Variants in BRMS1 observed in about 807,000 individuals in gnomAD.
BRMS1 encodes BRMS1 transcriptional repressor and anoikis regulator, also known as breast cancer metastasis-suppressor 1.
A neutral mutation model predicts 40.4 loss-of-function variants in BRMS1; 26 were observed. The observed-to-expected ratio is 0.64, with a 90% CI of 0.47 to 0.89. The LOEUF (loss-of-function observed/expected upper bound fraction) is 0.89. Among genes scored for constraint, BRMS1 ranks in the 40% least tolerant of loss-of-function variants. The pLI is 0.00. For synonymous variants in BRMS1, 103 were observed against 116.0 expected (o/e 0.89, Z 0.72); for missense variants, 289 against 309.4 (o/e 0.93, Z 0.49).
At chr11:66,338,096 C>G (rs1854971456) in intron 9 of BRMS1, 147 bp downstream of exon 9, 1 of 1,246,302 alleles carries the variant, frequency 8.0e-7, no homozygotes, top group Non-Finnish European at 1.1e-6. Flanking sequence ...CTCCCACAAG[C>G]CCCTCAAATC....
rs775411516 is a variant in BRMS1, at chr11:66,341,559, C to T, written c.204G>A (p.Glu68=). The T allele has an allele frequency of 3.1e-6, 5 of 1,614,160 alleles. No homozygotes were observed. The highest frequency in any genetic ancestry group is 4.2e-6 in the Non-Finnish European group (5 of 1,180,032). ...SECVSEMLDL[E]KQFSELKEKL... ...TCTCCTTTAGCTCCGAGAACTGCTT[C>T]TCTAGGTCCAGCATCTCACTGACAC... is the stretch of plus-strand genomic sequence containing the variant. Residue 68 remains glutamate, a synonymous_variant, in exon 3 of 10, where the codon GAG becomes GAA. Transcript: ENST00000359957. This position sits in a 1 kb window ranked among gnomAD's most constrained non-coding sequence, Gnocchi z 4.9.
rs373832544 is a variant in BRMS1 at position 66,338,228 on chromosome 11, A to C, written c.733+15T>G. 5.0e-6 allele frequency: 8 copies of C among 1,610,466 alleles called. No individual in the cohort carries two copies. The African/African-American group carries it at 9.3e-5, about 19-fold the overall frequency. On this transcript the variant is annotated intron_variant, in intron 9 of 9. Coordinates refer to ENST00000359957, the MANE Select transcript of BRMS1 (RefSeq NM_015399.4). ...AAGGGGGCAGGGAAGGCCATGCAAC[A>C]GCCATGGTTCTTACCATCCGATTTT...
Position 66,341,046 on chromosome 11 carries a change from C to T in BRMS1, c.359G>A (p.Gly120Glu), listed in dbSNP as rs764756155. 6.2e-6 allele frequency: 10 copies of T among 1,613,700 alleles called. No individual in the cohort carries two copies. The highest frequency in any genetic ancestry group is 8.5e-6 in the Non-Finnish European group (10 of 1,180,006). ...ATCCAGACAGAAGCCCTTGTAGATC[C>T]CTGCAGAGAAAGGGAGGAGGGTCCC... ...RSLKIRIQVA[G>E]IYKGFCLDVI... Residue 120 changes from glycine (G) to glutamate (E), a missense_variant and splice_region_variant, in exon 5 of 10, where the codon GGG (glycine) becomes GAG (glutamate). By Grantham distance (98) the Gly-to-Glu change is moderately conservative (BLOSUM62 -2). Transcript: ENST00000359957. The surrounding 1 kb of genome is among the most constrained non-coding windows in gnomAD (Gnocchi z 4.9).
At position 66,341,770 on chromosome 11, in the gene BRMS1, G is replaced by T; in HGVS notation, c.140-147C>A. The T allele has an allele frequency of 1.3e-6, 1 of 776,868 alleles. No homozygotes were observed. Among genetic ancestry groups the T allele is most frequent in the Non-Finnish European group, 2.2e-6 (1 of 449,236 alleles). The allele number at this position is 776,868 out of a possible 1,614,324, so 48.1% of individuals were successfully genotyped here. On this transcript the variant is annotated intron_variant, in intron 2 of 9. Transcript: ENST00000359957. The surrounding 1 kb of genome is among the most constrained non-coding windows in gnomAD (Gnocchi z 4.9). ...TGCGCGTACATGCTTGTGTGAAGGG[G>T]CTGTGTGTGTGCGTGTGTGCTTGTG...
At chr11:66,340,364 C>T in intron 6 of BRMS1, 151 bp from the exon 7 acceptor site, 1 of 633,170 alleles carries the variant, frequency 1.6e-6, no homozygotes, top group Non-Finnish European at 2.8e-6. Context: ...TAGGGCTGTT[C>T]AGGTCCTGCC....
In BRMS1 at chr11:66,337,589, G is replaced by A; in HGVS notation, c.*293C>T. The A allele has an allele frequency of 1.7e-6, 2 of 1,163,132 alleles. No individual in the cohort carries two copies. The highest frequency in any genetic ancestry group is 2.6e-5 in the Admixed American group (1 of 38,808). 72.1% of individuals were successfully genotyped at this position (1,163,132 alleles called of 1,614,324 possible). On this transcript the variant is annotated 3_prime_UTR_variant, in exon 10 of 10. Coordinates refer to ENST00000359957, the MANE Select transcript of BRMS1 (RefSeq NM_015399.4). The stretch of plus-strand genomic sequence containing the variant: ...ACTTCGGCTGTCTTCTCTGTCAGGG[G>A]AGCCCCAAGAGATGGATCTTCAGGA...
Position 66,337,610 on chromosome 11 carries a change from C to T in BRMS1, c.*272G>A, listed in dbSNP as rs1216258236. ...AGGGGAGCCCCAAGAGATGGATCTT[C>T]AGGAGTGGGAGGTGGCAGGCGGCTC... On this transcript the variant is annotated 3_prime_UTR_variant, in exon 10 of 10. Transcript: ENST00000359957. 1.5e-6 allele frequency: 2 copies of T among 1,340,604 alleles called. No individual in the cohort carries two copies. Among genetic ancestry groups the T allele is most frequent in the African/African-American group, 2.9e-5 (2 of 68,780 alleles). The allele number at this position is 1,340,604 out of a possible 1,614,324, so 83.0% of individuals were successfully genotyped here. A position where few individuals can be genotyped will look rare whatever the true frequency, so the allele number is the denominator to read the frequency against.
In BRMS1 at chr11:66,337,522, C is replaced by T. The variant is rs3116068; in HGVS notation, c.*360G>A. 0.19 allele frequency: 134,177 copies of T among 691,074 alleles called. 13,951 individuals carry two copies. The highest frequency in any genetic ancestry group is 0.25 in the East Asian group (9,126 of 36,462). 42.8% of individuals were successfully genotyped at this position (691,074 alleles called of 1,614,324 possible). ...GAAACTGGCTCCCTGGCCCTGAGGCCGGACAGCCTGCATCCAACATCAGCA... is the reference window on the plus strand; with the variant it reads ...GAAACTGGCTCCCTGGCCCTGAGGCTGGACAGCCTGCATCCAACATCAGCA... On this transcript the variant is annotated 3_prime_UTR_variant, in exon 10 of 10. Coordinates refer to ENST00000359957, the MANE Select transcript of BRMS1 (RefSeq NM_015399.4).
At chr11:66,342,293 GA>G in intron 1 of BRMS1, 52 bp from the exon 2 acceptor site, 2 of 1,597,960 alleles carry the variant, frequency 1.3e-6, no homozygotes, top group Non-Finnish European at 1.7e-6. Flanking sequence ...CTCAGAGGGG[GA>G]AAGAGGCAGC....
At position 66,340,981 on chromosome 11, in the gene BRMS1, T is replaced by C. The variant is rs1444589958; in HGVS notation, c.424A>G (p.Lys142Glu). 1.1e-5 allele frequency: 17 copies of C among 1,614,024 alleles called. 1 individual carries two copies. The highest frequency in any genetic ancestry group is 1.7e-5 in the Admixed American group (1 of 60,000). The change falls in exon 5 of 10, where the codon AAA becomes GAA. Residue 142 changes from lysine (K) to glutamate (E), a missense_variant. Lys to Glu is a moderately conservative substitution (Grantham distance 56). Transcript: ENST00000359957. ...ATCAGGCCCACCTCCAGGTGCTGTT[T>C]GGCTCCCTGCAGCTCACATTCGTAC... ...NKYECELQGA[K>E]QHLESEKLLL...
At position 66,337,687 on chromosome 11, in the gene BRMS1, T is replaced by C. The variant is rs1175527845; in HGVS notation, c.*195A>G. 1 of 1,585,214 alleles carries C rather than the reference T, an allele frequency of 6.3e-7. No homozygotes were observed. The highest frequency in any genetic ancestry group is 2.3e-5 in the East Asian group (1 of 43,240). ...GTCAGGTCAGCTCCACGGCCACAGC[T>C]GTGCAGGCCTCGAGGAGGGCAGAGG... is the stretch of plus-strand genomic sequence containing the variant. On this transcript the variant is annotated 3_prime_UTR_variant, in exon 10 of 10. Transcript: ENST00000359957.
At chr11:66,343,558 G>C (rs1358833290) in intron 1 of BRMS1, among the ~76,000 whole-genome samples, 1 of 152,146 alleles carries the variant, frequency 6.6e-6, no homozygotes, top group Admixed American at 6.5e-5. Context: ...GCAGCAGGGA[G>C]GCTTCCAGAC....
chr11:66,341,597 G>A lies in BRMS1; in HGVS notation c.166C>T (p.Arg56Cys), dbSNP rs1222620698. 5.6e-6 allele frequency: 9 copies of A among 1,614,050 alleles called. No homozygotes were observed. The highest frequency in any genetic ancestry group is 1.6e-4 in the Middle Eastern group (1 of 6,062). ...SEMDDEDYERRRSECVSEMLD... is the reference protein window; with the variant it reads ...SEMDDEDYERCRSECVSEMLD... Reference sequence around the variant, plus strand: ...ATCTCACTGACACACTCGCTGCGGCGTCGCTCATAGTCCTCATCATCCATC... The same window carrying A: ...ATCTCACTGACACACTCGCTGCGGCATCGCTCATAGTCCTCATCATCCATC... The change falls in exon 3 of 10, where the codon CGC (arginine) becomes TGC (cysteine). Residue 56 changes from arginine to cysteine, a missense_variant. Transcript: ENST00000359957. This position sits in a 1 kb window ranked among gnomAD's most constrained non-coding sequence, Gnocchi z 4.9.
rs574654052 is a variant in BRMS1 at position 66,337,345 on chromosome 11, G to C, written c.*537C>G. The C allele has an allele frequency of 1.1e-4, 34 of 321,212 alleles. No individual in the cohort carries two copies. The highest frequency in any genetic ancestry group is 5.9e-4 in the African/African-American group (29 of 48,758). The allele number at this position is 321,212 out of a possible 1,614,324, so 19.9% of individuals were successfully genotyped here. Reference sequence around the variant, plus strand: ...CACACAGGGCACGCCAGAGTCCCAGGAAAGGTTTTAATTCCAGTCCTTGGA... The same window carrying C: ...CACACAGGGCACGCCAGAGTCCCAGCAAAGGTTTTAATTCCAGTCCTTGGA... On this transcript the variant is annotated 3_prime_UTR_variant, in exon 10 of 10. Transcript: ENST00000359957.
At chr11:66,342,336 G>A (rs1465207716) in intron 1 of BRMS1, 95 bp from the exon 2 acceptor site, 24 of 1,507,178 alleles carry the variant, frequency 1.6e-5, no homozygotes, top group Non-Finnish European at 2.1e-5. Flanking sequence ...TCCCAGATGG[G>A]GAAAGCCAGG....
In BRMS1 at chr11:66,345,079, C is replaced by T. The variant is rs1855177502; in HGVS notation, c.-115G>A. On this transcript the variant is annotated 5_prime_UTR_variant, in exon 1 of 10. Coordinates refer to ENST00000359957, the MANE Select transcript of BRMS1 (RefSeq NM_015399.4). ...ACTCCCGTAGGCGCTGCGCGGCTCC[C>T]TTTTCTTCGGGAGGCAGAGCCTATC... 6.6e-6 allele frequency: 1 copy of T among 152,276 alleles called. No homozygotes were observed. Among genetic ancestry groups the T allele is most frequent in the Non-Finnish European group, 1.5e-5 (1 of 68,052 alleles). The allele number at this position is 152,276 out of a possible 1,614,324, so 9.4% of individuals were successfully genotyped here.
In BRMS1 at chr11:66,342,213, T is replaced by C. The variant is rs1855104408; in HGVS notation, c.22A>G (p.Lys8Glu). Residue 8 changes from lysine to glutamate, a missense_variant, in exon 2 of 10, where the codon AAA becomes GAA. Coordinates refer to ENST00000359957, the MANE Select transcript of BRMS1 (RefSeq NM_015399.4). Reference protein sequence around the residue: MPVQPPSKDTEEMEAEGD... With the variant: MPVQPPSEDTEEMEAEGD... ...TCTGCTTCCATCTCTTCTGTGTCTTTGCTTGGAGGCTGGACAGGCATCTGG... is the reference window on the plus strand; with the variant it reads ...TCTGCTTCCATCTCTTCTGTGTCTTCGCTTGGAGGCTGGACAGGCATCTGG... The C allele has an allele frequency of 6.2e-7, 1 of 1,613,496 alleles. No individual in the cohort carries two copies. Among genetic ancestry groups the C allele is most frequent in the African/African-American group, 1.3e-5 (1 of 74,854 alleles).
chr11:66,338,974 T>C (rs1226878242), intron 7 of BRMS1, among the ~76,000 whole-genome samples, 189 bp from the exon 8 acceptor site: 3 of 152,100 alleles, frequency 2.0e-5, no homozygotes, highest in Non-Finnish European at 4.4e-5. Context: ...ACCAAGTCTA[T>C]GGAGGACACC....
At chr11:66,338,031 G>A (rs1279826907) in intron 9 of BRMS1, 142 bp from the exon 10 acceptor site, 1 of 1,171,612 alleles carries the variant, frequency 8.5e-7, no homozygotes. Flanking sequence ...CTCCTGAGTG[G>A]GAGCTCCATC....
Sources: allele counts gnomAD v4.1 joint callset (sites outside exome capture counted in the v4.1 genomes callset), GRCh38; gene constraint gnomAD v4.1.1; non-coding constraint Gnocchi (gnomAD v3.1); transcripts MANE v1.5; gene names NCBI Gene and HGNC (gene_info 2026-07-23, HGNC 2026-07-21).